The following HUWE1 variants were observed in gnomAD, a reference collection of about 807,000 sequenced individuals.
HUWE1 encodes HECT, UBA and WWE domain containing E3 ubiquitin protein ligase 1, also known as E3 ubiquitin-protein ligase HUWE1.
A neutral mutation model predicts 299.4 loss-of-function variants in HUWE1; 18 were observed. The ratio of observed to expected loss-of-function variants is 0.06; its 90% CI spans 0.04 to 0.09. HUWE1 has a LOEUF of 0.09. HUWE1 is among the 10% of genes least tolerant of loss of function. The pLI is 1.00. For synonymous variants in HUWE1, 1,317 were observed against 1,286.1 expected (o/e 1.02, Z -0.51); for missense variants, 1,832 against 3,462.3 (o/e 0.53, Z 11.82).
intron 3 of HUWE1, among the ~76,000 whole-genome samples, chrX:53,663,125 T>C (rs1325117972): frequency 4.5e-5 from 5 of 112,115 alleles, no homozygotes; most frequent in African/African-American, 1.6e-4. Context: ...TGACAAGCAA[T>C]TGTTTCAGTG....
At chrX:53,555,606 C>T (rs1305029493) in intron 60 of HUWE1, among the ~76,000 whole-genome samples, 2 of 106,643 alleles carry the variant, frequency 1.9e-5, no homozygotes, top group African/African-American at 6.9e-5. Flanking sequence ...GGATTACAGG[C>T]GTGAGCCACT....
chrX:53,582,466 A>C (rs1321225472), intron 42 of HUWE1, among the ~76,000 whole-genome samples: 3 of 112,419 alleles, frequency 2.7e-5, no homozygotes, highest in Non-Finnish European at 5.6e-5. Context: ...ACAAAAACTG[A>C]TACCACTTTT....
At chrX:53,638,080 T>C (rs1461222056) in intron 7 of HUWE1, among the ~76,000 whole-genome samples, 1 of 111,755 alleles carries the variant, frequency 8.9e-6, no homozygotes, top group Non-Finnish European at 1.9e-5. Context: ...CCCAAATGCC[T>C]AAGACAGGAA....
chrX:53,592,678 G>A (rs1386326551), intron 32 of HUWE1, 50 bp from the exon 33 acceptor site: 12 of 912,363 alleles, frequency 1.3e-5, no homozygotes, highest in Non-Finnish European at 1.7e-5. Context: ...TCAATTCAAA[G>A]CTCAGAAGGA....
Position 53,546,481 on chromosome X carries a change from G to A in HUWE1, c.10870C>T (p.Leu3624=), listed in dbSNP as rs782675642. 9.9e-6 allele frequency: 12 copies of A among 1,209,001 alleles called. No individual in the cohort carries two copies. The African/African-American group carries it at 1.9e-4, about 19-fold the overall frequency. The part of the protein sequence containing the change: ...GTRDTVLKLL[L]NGARHLGYTL... ...TAACCCAGATGGCGGGCTCCATTCA[G>A]TAGCAGCTTGAGAACAGTGTCCCGG... Residue 3624 remains leucine, a synonymous_variant, in exon 70 of 84, where the codon CTG becomes TTG. Coordinates refer to ENST00000262854, the MANE Select transcript of HUWE1 (RefSeq NM_031407.7).
chrX:53,642,015 A>C (rs781837226), intron 7 of HUWE1, among the ~76,000 whole-genome samples: 2 of 111,578 alleles, frequency 1.8e-5, no homozygotes, highest in South Asian at 3.8e-4. Flanking sequence ...ATACACCCAC[A>C]CACACACACA....
intron 4 of HUWE1, among the ~76,000 whole-genome samples, chrX:53,653,284 C>T (rs1256167691): frequency 8.9e-6 from 1 of 112,126 alleles, no homozygotes; most frequent in Non-Finnish European, 1.9e-5. Flanking sequence ...AACTTATGTG[C>T]CAGATACTAT....
chrX:53,681,899 T>C lies in HUWE1; in HGVS notation c.-162-1713A>G, dbSNP rs868988206. Among the ~76,000 whole-genome samples, 8 of 111,479 alleles carry C rather than the reference T, an allele frequency of 7.2e-5. No individual in the cohort carries two copies. In the South Asian group the frequency reaches 1.5e-3, roughly 21 times the overall value. On this transcript the variant is annotated intron_variant, in intron 2 of 83. Transcript: ENST00000262854. ...TTCTTGACAGGAACATTATGGCTGGTGGTCATTCCAGGATAGTGATTACGC... is the reference window on the plus strand; with the variant it reads ...TTCTTGACAGGAACATTATGGCTGGCGGTCATTCCAGGATAGTGATTACGC...
In HUWE1 at chrX:53,611,870, A is replaced by T. The variant is rs782348776; in HGVS notation, c.2261+2664T>A. Among the ~76,000 whole-genome samples, 24 of 109,937 alleles carry T rather than the reference A, an allele frequency of 2.2e-4. No homozygotes were observed. In the South Asian group the frequency reaches 5.3e-3, roughly 24 times the overall value. ...GAGACTCTGTCTCAAAAAAAAAAAA[A>T]TAAATAAATAAAATAAAATAAAGAT... is the stretch of plus-strand genomic sequence containing the variant. On this transcript the variant is annotated intron_variant, in intron 23 of 83. Coordinates refer to ENST00000262854, the MANE Select transcript of HUWE1 (RefSeq NM_031407.7).
Position 53,534,675 on chromosome X carries a change from C to T in HUWE1, c.12672G>A (p.Ala4224=), listed in dbSNP as rs367851321. ...RMTGAIRKQL[A]AFLEGFYEII... is the part of the protein sequence containing the mutation. ...TCTCATAGAAGCCTTCTAAGAAAGC[C>T]GCCAACTGCTTGCGGATGGCTCCTG... The change falls in exon 82 of 84, where the codon GCG becomes GCA. Residue 4224 remains alanine, a synonymous_variant. Coordinates refer to ENST00000262854, the MANE Select transcript of HUWE1 (RefSeq NM_031407.7). 2.2e-4 allele frequency: 268 copies of T among 1,208,774 alleles called. No individual in the cohort carries two copies. The highest frequency in any genetic ancestry group is 2.1e-3 in the East Asian group (70 of 33,731).
intron 7 of HUWE1, among the ~76,000 whole-genome samples, chrX:53,638,296 C>T (rs1371101919): frequency 1.8e-5 from 2 of 110,935 alleles, no homozygotes; most frequent in African/African-American, 6.6e-5. Flanking sequence ...GCCAAGATCG[C>T]GCCACTGCAC....
chrX:53,595,152 ACTTTCTAGTCC>A (rs1556983741), intron 30 of HUWE1, 24 bp downstream of exon 30: 2 of 1,107,726 alleles, frequency 1.8e-6, no homozygotes, highest in Non-Finnish European at 2.5e-6. Flanking sequence ...TTTTATTGTA[ACTTTCTAGTCC>A]CTGAATCTCA....
At chrX:53,543,434 G>A (rs1172258492) in intron 73 of HUWE1, among the ~76,000 whole-genome samples, 1 of 111,013 alleles carries the variant, frequency 9.0e-6, no homozygotes, top group Non-Finnish European at 1.9e-5. Context: ...GCCACAGACA[G>A]AAGTGGCTGT....
intron 66 of HUWE1, 95 bp from the exon 67 acceptor site, chrX:53,549,600 C>A: frequency 1.3e-6 from 1 of 772,615 alleles, no homozygotes; most frequent in South Asian, 2.2e-5. Context: ...TAGGTATCTC[C>A]AAGGAGGCTT....
At chrX:53,646,968 A>G (rs919955005) in intron 6 of HUWE1, among the ~76,000 whole-genome samples, 8 of 111,969 alleles carry the variant, frequency 7.1e-5, no homozygotes, top group Admixed American at 4.7e-4. Context: ...GAGACTTTAA[A>G]GCAGCACACT....
chrX:53,627,649 G>A (rs188183731), intron 16 of HUWE1, 90 bp downstream of exon 16: 240 of 933,328 alleles, frequency 2.6e-4, no homozygotes, highest in Non-Finnish European at 3.1e-4. Context: ...AGAAGAGACT[G>A]TAAGATCGCT....
At chrX:53,566,129 GTGTGTATA>G (rs1569450124) in intron 49 of HUWE1, among the ~76,000 whole-genome samples, 2 of 38,724 alleles carry the variant, frequency 5.2e-5, no homozygotes, top group Non-Finnish European at 1.0e-4. Flanking sequence ...GTGTGTGTGT[GTGTGTATA>G]TATATATATA....
At chrX:53,549,622 G>A (rs1382999062) in intron 66 of HUWE1, 117 bp from the exon 67 acceptor site, 3 of 612,100 alleles carry the variant, frequency 4.9e-6, no homozygotes, top group Non-Finnish European at 7.9e-6. Context: ...AGAAAGGTGG[G>A]TGTCCAGTCC....
chrX:53,550,293 C>G (rs1429422478), intron 66 of HUWE1, among the ~76,000 whole-genome samples: 1 of 111,727 alleles, frequency 9.0e-6, no homozygotes, highest in Non-Finnish European at 1.9e-5. Context: ...ATGTCAGGCC[C>G]ACTCTGTTTT....
Sources: gnomAD v4.1 joint callset for allele counts (sites outside exome capture counted in the v4.1 genomes callset) on GRCh38, gnomAD v4.1.1 for gene constraint, MANE v1.5 for transcripts, NCBI Gene and HGNC (gene_info 2026-07-23, HGNC 2026-07-21) for gene names.